The following GFOD1 variants were observed in gnomAD, a reference collection of about 807,000 sequenced individuals.
The protein encoded by GFOD1 is Gfo/Idh/MocA-like oxidoreductase domain containing 1.
Under a neutral mutation model 25.4 loss-of-function variants are expected in GFOD1, and 9 were observed. That is an observed-to-expected ratio of 0.35 (90% CI 0.21 to 0.62). GFOD1 has a LOEUF of 0.62. GFOD1 is among the 20% of genes least tolerant of loss of function. GFOD1 has a pLI of 0.72. For synonymous variants in GFOD1, 253 were observed against 245.6 expected, an observed-to-expected ratio of 1.03 and a Z score of -0.28; for missense variants, 403 against 556.9, an observed-to-expected ratio of 0.72 and a Z score of 2.78.
intron 1 of GFOD1, among the ~76,000 whole-genome samples, chr6:13,399,289 A>G (rs549492866): frequency 2.0e-5 from 3 of 152,316 alleles, no homozygotes; most frequent in Non-Finnish European, 2.9e-5. Flanking sequence ...CTGGAATTAC[A>G]GGTGCAAGCC....
chr6:13,408,691 T>G (rs1785991565), intron 1 of GFOD1, among the ~76,000 whole-genome samples: 1 of 152,208 alleles, frequency 6.6e-6, no homozygotes, highest in Admixed American at 6.5e-5. Context: ...GTAACACAGC[T>G]TTGTTAAGAG....
In GFOD1 at chr6:13,361,089, A is replaced by AAGTCTTGGAGTTGGCC. The variant is rs892985228; in HGVS notation, c.*3638_*3653dup. ...TTAAAATACTCTGCACACAGTGGAC[A>AAGTCTTGGAGTTGGCC]AGTCTTGGAGTTGGCCAGTCTTGGA... On this transcript the variant is annotated 3_prime_UTR_variant, in exon 2 of 2. Coordinates refer to ENST00000379287, the MANE Select transcript of GFOD1 (RefSeq NM_018988.4). 8.6e-6 allele frequency: 3 copies of AAGTCTTGGAGTTGGCC among 350,548 alleles called. No homozygotes were observed. Among genetic ancestry groups the AAGTCTTGGAGTTGGCC allele is most frequent in the Non-Finnish European group, 5.7e-6 (1 of 176,924 alleles). The allele number at this position is 350,548 out of a possible 1,614,324, so 21.7% of individuals were successfully genotyped here.
intron 1 of GFOD1, among the ~76,000 whole-genome samples, chr6:13,417,254 C>T (rs532392214): frequency 1.6e-4 from 24 of 152,244 alleles, no homozygotes; most frequent in Non-Finnish European, 3.2e-4. Context: ...CCCGGGTTCA[C>T]GCTATTCTCC....
At chr6:13,389,006 T>A (rs541069484) in intron 1 of GFOD1, among the ~76,000 whole-genome samples, 1 of 152,190 alleles carries the variant, frequency 6.6e-6, no homozygotes, top group South Asian at 2.1e-4. Context: ...AACAGACACA[T>A]GAAAAAATGC....
intron 1 of GFOD1, among the ~76,000 whole-genome samples, chr6:13,410,262 A>T (rs1280104958): frequency 6.6e-6 from 1 of 152,122 alleles, no homozygotes; most frequent in East Asian, 1.9e-4. Flanking sequence ...TCTTTATAGG[A>T]AGGAGGCTCT....
At position 13,478,078 on chromosome 6, in the gene GFOD1, C is replaced by A. The variant is rs1004948743; in HGVS notation, c.253+8560G>T. 7.1e-4 allele frequency among the ~76,000 whole-genome samples: 100 copies of A among 140,836 alleles called. 1 individual carries two copies. The highest frequency in any genetic ancestry group is 2.6e-3 in the East Asian group (12 of 4,636). The allele number at this position is 140,836 out of a possible 152,430, so 92.4% of individuals were successfully genotyped here. A position where few individuals can be genotyped will look rare whatever the true frequency, so the allele number is the denominator to read the frequency against. ...GAATCTATCTCAAAAAAAAAAAAAA[C>A]AAAACAAAGAAACAAAAAAAACCTA... On this transcript the variant is annotated intron_variant, in intron 1 of 1. Coordinates refer to ENST00000379287, the MANE Select transcript of GFOD1 (RefSeq NM_018988.4).
intron 1 of GFOD1, chr6:13,471,912 G>C (rs9474268): frequency 0.031 from 4,740 of 152,734 alleles, 239 homozygotes; most frequent in African/African-American, 0.11. Context: ...AACTGTATTA[G>C]TCTGTTTTCA....
At chr6:13,443,845 C>T (rs1470960269) in intron 1 of GFOD1, among the ~76,000 whole-genome samples, 1 of 144,702 alleles carries the variant, frequency 6.9e-6, no homozygotes, top group Non-Finnish European at 1.5e-5. Context: ...AAAATCATCA[C>T]AGCTACCCCA....
At chr6:13,449,526 G>T (rs940095181) in intron 1 of GFOD1, among the ~76,000 whole-genome samples, 7 of 152,132 alleles carry the variant, frequency 4.6e-5, no homozygotes, top group African/African-American at 1.4e-4. Context: ...TAAGTGATAG[G>T]GTTTGGCTGA....
intron 1 of GFOD1, among the ~76,000 whole-genome samples, chr6:13,474,029 T>G (rs1758563793): frequency 6.6e-6 from 1 of 152,234 alleles, no homozygotes; most frequent in Non-Finnish European, 1.5e-5. Context: ...CCGGGCCCCT[T>G]GTGCTGCAAG....
At position 13,430,681 on chromosome 6, in the gene GFOD1, A is replaced by G. The variant is rs1757734613; in HGVS notation, c.253+55957T>C. On this transcript the variant is annotated intron_variant, in intron 1 of 1. Coordinates refer to ENST00000379287, the MANE Select transcript of GFOD1 (RefSeq NM_018988.4). This position sits in a 1 kb window ranked among gnomAD's most constrained non-coding sequence, Gnocchi z 4.1. ...GTCCACCTATGGCAGGAGTAGTGGG[A>G]CAGCGGGTAGGGAAAAGTATCCTTG... Among the ~76,000 whole-genome samples, 1 of 152,064 alleles carries G rather than the reference A, an allele frequency of 6.6e-6. No homozygotes were observed. The highest frequency in any genetic ancestry group is 1.5e-5 in the Non-Finnish European group (1 of 68,004).
chr6:13,478,965 C>T (rs1758688734), intron 1 of GFOD1, among the ~76,000 whole-genome samples: 1 of 151,862 alleles, frequency 6.6e-6, no homozygotes. Flanking sequence ...CTTGGTAACC[C>T]CATCAGTACC....
intron 1 of GFOD1, among the ~76,000 whole-genome samples, chr6:13,474,708 A>C (rs577392785): frequency 1.7e-4 from 26 of 152,344 alleles, no homozygotes; most frequent in Non-Finnish European, 3.5e-4. Flanking sequence ...GTATTTACTA[A>C]CTAAAAATAA....
intron 1 of GFOD1, among the ~76,000 whole-genome samples, chr6:13,425,225 G>A (rs1786331578): frequency 6.6e-6 from 1 of 152,206 alleles, no homozygotes; most frequent in Non-Finnish European, 1.5e-5. Context: ...TTTCCAAAGT[G>A]CTAGGATTAC....
Position 13,444,390 on chromosome 6 carries a change from A to G in GFOD1, c.253+42248T>C, listed in dbSNP as rs76347243. ...GAGGGTGGGAGGAGGGAGAGAAGCA[A>G]AAAAAAAAAAAACTATTGGGTACTA... On this transcript the variant is annotated intron_variant, in intron 1 of 1. Coordinates refer to ENST00000379287, the MANE Select transcript of GFOD1 (RefSeq NM_018988.4). Among the ~76,000 whole-genome samples, 128 of 142,816 alleles carry G rather than the reference A, an allele frequency of 9.0e-4. 1 individual carries two copies. In the East Asian group the frequency reaches 0.024, roughly 26 times the overall value. The allele number at this position is 142,816 out of a possible 152,430, so 93.7% of individuals were successfully genotyped here.
chr6:13,416,746 A>T (rs1786169858), intron 1 of GFOD1, among the ~76,000 whole-genome samples: 1 of 152,208 alleles, frequency 6.6e-6, no homozygotes. Flanking sequence ...TTCACAATAA[A>T]AATTCCTATT....
intron 1 of GFOD1, among the ~76,000 whole-genome samples, chr6:13,432,128 C>T (rs1421200567): frequency 6.6e-6 from 1 of 152,186 alleles, no homozygotes; most frequent in Non-Finnish European, 1.5e-5. Context: ...AAAAAACCAA[C>T]AGGTGTAACA....
At chr6:13,436,828 T>C (rs1341512776) in intron 1 of GFOD1, among the ~76,000 whole-genome samples, 2 of 152,256 alleles carry the variant, frequency 1.3e-5, no homozygotes, top group South Asian at 2.1e-4. Context: ...GGATTACTCC[T>C]ATAAAAGGCT....
At chr6:13,475,355 CTT>C (rs1758595431) in intron 1 of GFOD1, among the ~76,000 whole-genome samples, 2 of 152,038 alleles carry the variant, frequency 1.3e-5, no homozygotes, top group South Asian at 4.1e-4. Context: ...GGGCGGATCA[CTT>C]GAGATCAGGA....
Sources: allele counts gnomAD v4.1 joint callset (sites outside exome capture counted in the v4.1 genomes callset), GRCh38; gene constraint gnomAD v4.1.1; non-coding constraint Gnocchi (gnomAD v3.1); transcripts MANE v1.5; gene names NCBI Gene and HGNC (gene_info 2026-07-23, HGNC 2026-07-21).